Variants in SYNPO2L observed in about 807,000 individuals in gnomAD.
SYNPO2L encodes synaptopodin 2-like protein.
Under a neutral mutation model 47.5 loss-of-function variants are expected in SYNPO2L, and 34 were observed. The ratio of observed to expected loss-of-function variants is 0.72; its 90% confidence interval spans 0.54 to 0.95. The LOEUF is 0.95. Among genes scored for constraint, SYNPO2L ranks in the 40% least tolerant of loss-of-function variants. The pLI is 0.00. For synonymous variants in SYNPO2L, 536 were observed against 524.9 expected, an observed-to-expected ratio of 1.02 and a Z score of -0.29; for missense variants, 1,246 against 1,282.0, an observed-to-expected ratio of 0.97 and a Z score of 0.43.
Position 73,648,750 on chromosome 10 carries a change from C to T in SYNPO2L, c.902G>A (p.Arg301Gln), listed in dbSNP as rs758555446. The T allele has an allele frequency of 3.1e-6, 5 of 1,612,280 alleles. No individual in the cohort carries two copies. In the Admixed American group the frequency reaches 6.7e-5, roughly 22 times the overall value. ...GGTGTACTTCTTGGCTCTCTGCCGC[C>T]GTTTCTTAAACATAAGTACCCCTTT... ...HSKGVLMFKK[R>Q]RQRAKKYTLV... The change falls in exon 4 of 4, where the codon CGG becomes CAG. Residue 301 changes from arginine (R) to glutamine (Q), a missense_variant. Transcript: ENST00000394810.
rs750008622 is a variant in SYNPO2L at position 73,647,593 on chromosome 10, T to A, written c.2059A>T (p.Met687Leu). 1 of 1,613,898 alleles carries A rather than the reference T, an allele frequency of 6.2e-7. No homozygotes were observed. The highest frequency in any genetic ancestry group is 8.5e-7 in the Non-Finnish European group (1 of 1,179,848). Residue 687 changes from methionine to leucine, a missense_variant, in exon 4 of 4, where the codon ATG (methionine) becomes TTG (leucine). This residue lies in a region of SYNPO2L where 1,037 missense variants were observed against 1,021.5 expected (regional missense o/e 1.02). Coordinates refer to ENST00000394810, the MANE Select transcript of SYNPO2L (RefSeq NM_001114133.3). ...TAACTCCTGGCCCCTACTGGCTGCA[T>A]GAAGTTGCAGGCTTCAGCCCCGAGG... Reference protein sequence around the residue: ...LSLGAEACNFMQPVGARSYKT... With the variant: ...LSLGAEACNFLQPVGARSYKT...
chr10:73,647,175 C>A lies in SYNPO2L; in HGVS notation c.2477G>T (p.Arg826Leu). The A allele has an allele frequency of 6.2e-7, 1 of 1,613,708 alleles. No homozygotes were observed. The highest frequency in any genetic ancestry group is 1.1e-5 in the South Asian group (1 of 91,072). ...LLSPFFPQAA[R>L]TLPKAQSQGP... ...CTGGGATTGGGCCTTAGGGAGAGTT[C>A]GGGCCGCCTGGGGGAAAAAGGGAGA... Residue 826 changes from arginine to leucine, a missense_variant, in exon 4 of 4, where the codon CGA becomes CTA. By Grantham distance (102) the Arg-to-Leu change is moderately radical. Around this residue, in one of 3 missense-constraint regions of SYNPO2L, gnomAD observed 1,037 missense variants for 1,021.5 expected, o/e 1.02. Transcript: ENST00000394810.
chr10:73,654,198 T>G lies in SYNPO2L; in HGVS notation c.188A>C (p.Asn63Thr), dbSNP rs1472259337. ...GCTCATGGCACTGGCATGGGAGAGG[T>G]TGGTGCAAGAGACCCCATTGATTGC... ...LLAINGVSCT[N>T]LSHASAMSLI... is the part of the protein sequence containing the mutation. The change falls in exon 2 of 4, where the codon AAC becomes ACC. Residue 63 changes from asparagine to threonine, a missense_variant. This residue lies in a region of SYNPO2L where 148 missense variants were observed against 204.8 expected (regional missense o/e 0.72). Coordinates refer to ENST00000394810, the MANE Select transcript of SYNPO2L (RefSeq NM_001114133.3). 1 of 1,551,328 alleles carries G rather than the reference T, an allele frequency of 6.4e-7. No homozygotes were observed. The highest frequency in any genetic ancestry group is 2.0e-5 in the Admixed American group (1 of 50,958).
chr10:73,647,573 C>A lies in SYNPO2L; in HGVS notation c.2079G>T (p.Arg693Ser). ...ACNFMQPVGA[R>S]SYKTLPHVTP... ...TCACGTGAGGCAGGGTCTTGTAACT[C>A]CTGGCCCCTACTGGCTGCATGAAGT... The change falls in exon 4 of 4, where the codon AGG (arginine) becomes AGT (serine). Residue 693 changes from arginine (R) to serine (S), a missense_variant. Physicochemically the swap from Arg to Ser is moderately radical, Grantham distance 110. Around this residue, in one of 3 missense-constraint regions of SYNPO2L, gnomAD observed 1,037 missense variants for 1,021.5 expected, o/e 1.02. Transcript: ENST00000394810. 6.2e-7 allele frequency: 1 copy of A among 1,612,042 alleles called. No homozygotes were observed. The highest frequency in any genetic ancestry group is 8.5e-7 in the Non-Finnish European group (1 of 1,178,594).
In SYNPO2L at chr10:73,646,314, C is replaced by T; in HGVS notation, c.*404G>A. On this transcript the variant is annotated 3_prime_UTR_variant, in exon 4 of 4. Coordinates refer to ENST00000394810, the MANE Select transcript of SYNPO2L (RefSeq NM_001114133.3). ...GTCAGTTCAGTCCCTTTGCTGTGTG[C>T]CTGGTGGTGAGCTTCTTGCCTGAAG... 1 of 996,710 alleles carries T rather than the reference C, an allele frequency of 1.0e-6. No homozygotes were observed. The highest frequency in any genetic ancestry group is 1.7e-5 in the African/African-American group (1 of 57,554). The allele number at this position is 996,710 out of a possible 1,614,324, so 61.7% of individuals were successfully genotyped here.
At position 73,647,498 on chromosome 10, in the gene SYNPO2L, A is replaced by T; in HGVS notation, c.2154T>A (p.Thr718=). ...GAGCCACTGGGGGTGGAGTCTTAGGAGTCATAGGGGGCGGGGTCTTGGGAG... is the reference window on the plus strand; with the variant it reads ...GAGCCACTGGGGGTGGAGTCTTAGGTGTCATAGGGGGCGGGGTCTTGGGAG... ...PMAPKTPPPM[T]PKTPPPVAPK... is the part of the protein sequence containing the mutation. Residue 718 remains threonine (T), a synonymous_variant, in exon 4 of 4, where the codon ACT becomes ACA. Transcript: ENST00000394810. The T allele has an allele frequency of 1.3e-6, 2 of 1,576,238 alleles. 1 individual carries two copies. Among genetic ancestry groups the T allele is most frequent in the South Asian group, 2.3e-5 (2 of 87,194 alleles).
chr10:73,649,055 C>T (rs1389691528), intron 3 of SYNPO2L, among the ~76,000 whole-genome samples, 176 bp from the exon 4 acceptor site: 1 of 152,126 alleles, frequency 6.6e-6, no homozygotes, highest in African/African-American at 2.4e-5. Context: ...AAAGGTGAAA[C>T]CAAGGACAGT....
In SYNPO2L at chr10:73,646,454, C is replaced by G. The variant is rs967724685; in HGVS notation, c.*264G>C. 69 of 1,181,008 alleles carry G rather than the reference C, an allele frequency of 5.8e-5. No individual in the cohort carries two copies. The highest frequency in any genetic ancestry group is 2.6e-4 in the Admixed American group (6 of 22,960). 73.2% of individuals were successfully genotyped at this position (1,181,008 alleles called of 1,614,324 possible). On this transcript the variant is annotated 3_prime_UTR_variant, in exon 4 of 4. Transcript: ENST00000394810. Reference sequence around the variant, plus strand: ...CTGTGGAGGAATATGGGTGGAGAAGCCTGGAAATAAAGACAGAGATCCAGG... The same window carrying G: ...CTGTGGAGGAATATGGGTGGAGAAGGCTGGAAATAAAGACAGAGATCCAGG...
chr10:73,648,217 G>C lies in SYNPO2L; in HGVS notation c.1435C>G (p.Arg479Gly). 1.3e-6 allele frequency: 2 copies of C among 1,580,462 alleles called. No homozygotes were observed. Among genetic ancestry groups the C allele is most frequent in the Non-Finnish European group, 1.7e-6 (2 of 1,165,646 alleles). The change falls in exon 4 of 4, where the codon CGG becomes GGG. Residue 479 changes from arginine (R) to glycine (G), a missense_variant. By Grantham distance (125) the Arg-to-Gly change is moderately radical. Around this residue, in one of 3 missense-constraint regions of SYNPO2L, gnomAD observed 1,037 missense variants for 1,021.5 expected, o/e 1.02. Transcript: ENST00000394810. ...RPFTPGLQGQ[R>G]PTTTSVIFRP... ...AAAATAACCGAGGTGGTAGTTGGCCGCTGCCCTTGTAGGCCCGGGGTAAAG... is the reference window on the plus strand; with the variant it reads ...AAAATAACCGAGGTGGTAGTTGGCCCCTGCCCTTGTAGGCCCGGGGTAAAG...
rs1029077322 is a variant in SYNPO2L at position 73,647,704 on chromosome 10, G to A, written c.1948C>T (p.Pro650Ser). 3 of 1,614,154 alleles carry A rather than the reference G, an allele frequency of 1.9e-6. No homozygotes were observed. The Admixed American group carries it at 5.0e-5, about 27-fold the overall frequency. The change falls in exon 4 of 4, where the codon CCC (proline) becomes TCC (serine). Residue 650 changes from proline to serine, a missense_variant. Physicochemically the swap from Pro to Ser is moderately conservative, Grantham distance 74. Coordinates refer to ENST00000394810, the MANE Select transcript of SYNPO2L (RefSeq NM_001114133.3). The part of the protein sequence containing the change: ...GKEETKNSPN[P>S]ELLSLVQNLD... ...TTCTGTACCAGCGATAGCAGCTCGG[G>A]GTTGGGCGAGTTCTTCGTCTCCTCC...
chr10:73,655,636 A>G (rs907905216), intron 1 of SYNPO2L, among the ~76,000 whole-genome samples, 182 bp downstream of exon 1: 2 of 152,028 alleles, frequency 1.3e-5, no homozygotes, highest in African/African-American at 2.4e-5. Context: ...AGACCCCCAC[A>G]GGAAGCCTGT....
At chr10:73,650,122 C>G (rs2132420800) in intron 3 of SYNPO2L, 1 of 985,466 alleles carries the variant, frequency 1.0e-6, no homozygotes, top group Middle Eastern at 5.2e-4. Context: ...AGGACCCCGC[C>G]TTGCACATGG....
chr10:73,646,700 C>G lies in SYNPO2L; in HGVS notation c.*18G>C. On this transcript the variant is annotated 3_prime_UTR_variant, in exon 4 of 4. Transcript: ENST00000394810. Reference sequence around the variant, plus strand: ...ACTGGATGTTCCACCTCTCCTTGGTCCTGGGACCTGTGCCTGTTCACTGGT... The same window carrying G: ...ACTGGATGTTCCACCTCTCCTTGGTGCTGGGACCTGTGCCTGTTCACTGGT... 1 of 1,460,492 alleles carries G rather than the reference C, an allele frequency of 6.8e-7. No homozygotes were observed. Among genetic ancestry groups the G allele is most frequent in the African/African-American group, 1.4e-5 (1 of 70,850 alleles). 90.5% of individuals were successfully genotyped at this position (1,460,492 alleles called of 1,614,324 possible).
chr10:73,650,132 G>A (rs1185127913), intron 3 of SYNPO2L: 2 of 985,416 alleles, frequency 2.0e-6, no homozygotes, highest in African/African-American at 1.7e-5. Flanking sequence ...CTTGCACATG[G>A]ATACTCTCTG....
rs2081753799 is a variant in SYNPO2L, at chr10:73,646,682, G to A, written c.*36C>T. 3.5e-6 allele frequency: 5 copies of A among 1,420,336 alleles called. No individual in the cohort carries two copies. Among genetic ancestry groups the A allele is most frequent in the African/African-American group, 1.4e-5 (1 of 69,790 alleles). 88.0% of individuals were successfully genotyped at this position (1,420,336 alleles called of 1,614,324 possible). On this transcript the variant is annotated 3_prime_UTR_variant, in exon 4 of 4. Coordinates refer to ENST00000394810, the MANE Select transcript of SYNPO2L (RefSeq NM_001114133.3). ...GGAGAAGCAACTTTAGGAACTGGAT[G>A]TTCCACCTCTCCTTGGTCCTGGGAC...
rs371474010 is a variant in SYNPO2L at position 73,647,350 on chromosome 10, G to A, written c.2302C>T (p.Arg768Cys). The change falls in exon 4 of 4, where the codon CGT (arginine) becomes TGT (cysteine). Residue 768 changes from arginine (R) to cysteine (C), a missense_variant. Around this residue, in one of 3 missense-constraint regions of SYNPO2L, gnomAD observed 1,037 missense variants for 1,021.5 expected, o/e 1.02. Transcript: ENST00000394810. Reference sequence around the variant, plus strand: ...CCTTCCACCACATACCTGTCCGCACGGCTCTGCCGCTTAGCAAACAGCTCC... The same window carrying A: ...CCTTCCACCACATACCTGTCCGCACAGCTCTGCCGCTTAGCAAACAGCTCC... ...GGELFAKRQS[R>C]ADRYVVEGTP... The A allele has an allele frequency of 5.6e-6, 9 of 1,613,960 alleles. No individual in the cohort carries two copies. The highest frequency in any genetic ancestry group is 2.7e-5 in the African/African-American group (2 of 74,874).
Position 73,646,902 on chromosome 10 carries a change from T to C in SYNPO2L, c.2750A>G (p.Glu917Gly). 6.3e-7 allele frequency: 1 copy of C among 1,575,150 alleles called. No homozygotes were observed. The highest frequency in any genetic ancestry group is 8.6e-7 in the Non-Finnish European group (1 of 1,158,296). ...LAPRAATTLD[E>G]PIWRTELASA... ...GGCCAGTTCTGTTCTCCAGATGGGC[T>C]CATCCAGTGTAGTGGCTGCTCGGGG... The change falls in exon 4 of 4, where the codon GAG becomes GGG. Residue 917 changes from glutamate to glycine, a missense_variant. By Grantham distance (98) the Glu-to-Gly change is moderately conservative. Transcript: ENST00000394810.
rs192799507 is a variant in SYNPO2L at position 73,646,119 on chromosome 10, C to T, written c.*599G>A. On this transcript the variant is annotated 3_prime_UTR_variant, in exon 4 of 4. Transcript: ENST00000394810. ...GATTACCGGCGTGAGCCACCGTGCC[C>T]GGCCTCAGATTGGGTCTTTATTTTG... 2,690 of 985,748 alleles carry T rather than the reference C, an allele frequency of 2.7e-3. 8 individuals carry two copies. Among genetic ancestry groups the T allele is most frequent in the Non-Finnish European group, 2.9e-3 (2,445 of 830,404 alleles). 61.1% of individuals were successfully genotyped at this position (985,748 alleles called of 1,614,324 possible). A position where few individuals can be genotyped will look rare whatever the true frequency, so the allele number is the denominator to read the frequency against.
Position 73,654,440 on chromosome 10 carries a change from A to G in SYNPO2L, c.106-160T>C. On this transcript the variant is annotated intron_variant, in intron 1 of 3. Transcript: ENST00000394810. ...GCTGCAGTTGAAGTGGCCTGTCTAG[A>G]GGGAAGAAAGTATACAGACTGGAGA... 5.2e-6 allele frequency: 4 copies of G among 771,260 alleles called. No homozygotes were observed. The Admixed American group carries it at 8.4e-5, about 16-fold the overall frequency. 47.8% of individuals were successfully genotyped at this position (771,260 alleles called of 1,614,324 possible). A position where few individuals can be genotyped will look rare whatever the true frequency, so the allele number is the denominator to read the frequency against.
Sources: allele counts gnomAD v4.1 joint callset (sites outside exome capture counted in the v4.1 genomes callset), GRCh38; gene constraint gnomAD v4.1.1; regional missense constraint gnomAD v4.1.1; transcripts MANE v1.5; gene names NCBI Gene and HGNC (gene_info 2026-07-23, HGNC 2026-07-21).